The following CNTNAP2 variants were observed in gnomAD, a reference collection of about 807,000 sequenced individuals.
CNTNAP2 encodes contactin associated protein 2, also known as contactin-associated protein-like 2.
Under a neutral mutation model 155.2 loss-of-function variants are expected in CNTNAP2, and 98 were observed. The ratio of observed to expected loss-of-function variants is 0.63; its 90% CI spans 0.54 to 0.75. The LOEUF (loss-of-function observed/expected upper bound fraction) is 0.75. Among genes scored for constraint, CNTNAP2 ranks in the 30% least tolerant of loss-of-function variants. The pLI is 0.00. For missense variants in CNTNAP2, 1,727 were observed against 1,688.1 expected, an observed-to-expected ratio of 1.02 and a Z score of -0.40; for synonymous variants, 651 against 631.2, an observed-to-expected ratio of 1.03 and a Z score of -0.47.
At chr7:147,212,347 C>T (rs1428299281) in intron 8 of CNTNAP2, among the ~76,000 whole-genome samples, 1 of 152,110 alleles carries the variant, frequency 6.6e-6, no homozygotes, top group Non-Finnish European at 1.5e-5. Context: ...AACCTAGGTA[C>T]CCATCAATGG....
chr7:147,978,687 G>A (rs933044886), intron 15 of CNTNAP2, among the ~76,000 whole-genome samples: 1 of 152,102 alleles, frequency 6.6e-6, no homozygotes, highest in African/African-American at 2.4e-5. Context: ...ACAGTGACAT[G>A]GTTGCACTGT....
chr7:146,479,233 A>C (rs1563099872), intron 1 of CNTNAP2, among the ~76,000 whole-genome samples: 1 of 152,178 alleles, frequency 6.6e-6, no homozygotes, highest in African/African-American at 2.4e-5. Context: ...CCTTTGAACG[A>C]TGTCACATCA....
chr7:146,527,078 C>T (rs1418912766), intron 1 of CNTNAP2, among the ~76,000 whole-genome samples: 1 of 151,948 alleles, frequency 6.6e-6, no homozygotes, highest in Non-Finnish European at 1.5e-5. Flanking sequence ...TAAAAAATCC[C>T]TCTCACATTT....
chr7:148,251,470 T>G (rs1796361848), intron 20 of CNTNAP2, among the ~76,000 whole-genome samples: 1 of 151,172 alleles, frequency 6.6e-6, no homozygotes, highest in Non-Finnish European at 1.5e-5. Flanking sequence ...TGTCCAAAGT[T>G]TTTTTTAGAG....
At chr7:147,736,382 A>G (rs572687119) in intron 13 of CNTNAP2, among the ~76,000 whole-genome samples, 74 of 152,302 alleles carry the variant, frequency 4.9e-4, no homozygotes, top group African/African-American at 1.5e-3. Flanking sequence ...AGTTTCTGCC[A>G]AGAGATCAGC....
chr7:146,376,764 G>A (rs1167637520), intron 1 of CNTNAP2, among the ~76,000 whole-genome samples: 7 of 152,086 alleles, frequency 4.6e-5, no homozygotes, highest in African/African-American at 1.4e-4. Context: ...AGGGACTTTA[G>A]GGAGTGATTA....
chr7:146,531,268 G>C (rs1186297162), intron 1 of CNTNAP2, among the ~76,000 whole-genome samples: 2 of 151,994 alleles, frequency 1.3e-5, no homozygotes, highest in Non-Finnish European at 2.9e-5. Context: ...ACCTATTTAG[G>C]ACTATGCTTA....
chr7:148,415,339 G>A, intron 23 of CNTNAP2, 78 bp from the exon 24 acceptor site: 2 of 1,437,208 alleles, frequency 1.4e-6, no homozygotes, highest in South Asian at 1.2e-5. Context: ...GTCTGACGGA[G>A]CTGTAGTGAA....
chr7:146,150,555 TTTTA>T (rs1331431831), intron 1 of CNTNAP2, among the ~76,000 whole-genome samples: 1 of 152,008 alleles, frequency 6.6e-6, no homozygotes, highest in East Asian at 1.9e-4. Flanking sequence ...TTTGTAGATT[TTTTA>T]TTTCTTTTAT....
At chr7:148,063,161 A>G (rs1369134796) in intron 15 of CNTNAP2, among the ~76,000 whole-genome samples, 3 of 151,994 alleles carry the variant, frequency 2.0e-5, no homozygotes, top group African/African-American at 7.2e-5. Flanking sequence ...TCTTATTTTA[A>G]AGGTGTGGTC....
chr7:146,981,892 A>T (rs1221718411), intron 3 of CNTNAP2, among the ~76,000 whole-genome samples: 1 of 152,188 alleles, frequency 6.6e-6, no homozygotes, highest in African/African-American at 2.4e-5. Flanking sequence ...ATACTTTAGG[A>T]TTTGCAGAAC....
intron 1 of CNTNAP2, among the ~76,000 whole-genome samples, chr7:146,463,885 CAG>C (rs1412118373): frequency 6.6e-6 from 1 of 151,934 alleles, no homozygotes; most frequent in Non-Finnish European, 1.5e-5. Context: ...CCCATAAAAA[CAG>C]AGAAAGGTTG....
Position 148,076,422 on chromosome 7 carries a change from C to CTTTTTTTTTTTTTTT in CNTNAP2, c.2384-41679_2384-41665dup, listed in dbSNP as rs771048326. ...TGTAGACCTATGATAGCTCTGACTT[C>CTTTTTTTTTTTTTTT]TTTTTTTTTTTTTTTTTTTTTTTTT... On this transcript the variant is annotated intron_variant, in intron 15 of 23. Coordinates refer to ENST00000361727, the MANE Select transcript of CNTNAP2 (RefSeq NM_014141.6). Among the ~76,000 whole-genome samples, 10 of 49,800 alleles carry CTTTTTTTTTTTTTTT rather than the reference C, an allele frequency of 2.0e-4. 1 individual carries two copies. The highest frequency in any genetic ancestry group is 8.0e-4 in the East Asian group (1 of 1,250). 32.7% of individuals were successfully genotyped at this position (49,800 alleles called of 152,430 possible). A position where few individuals can be genotyped will look rare whatever the true frequency, so the allele number is the denominator to read the frequency against.
At chr7:146,525,588 CA>C (rs1797679686) in intron 1 of CNTNAP2, among the ~76,000 whole-genome samples, 1 of 141,580 alleles carries the variant, frequency 7.1e-6, no homozygotes, top group African/African-American at 3.0e-5. Context: ...CTCTATCTAT[CA>C]TCTATCTATC....
rs1244851803 is a variant in CNTNAP2, at chr7:148,148,070, G to A, written c.2773+361G>A. Among the ~76,000 whole-genome samples the A allele has an allele frequency of 1.1e-4, 16 of 151,122 alleles. 1 individual carries two copies. Among genetic ancestry groups the A allele is most frequent in the Admixed American group, 9.9e-4 (15 of 15,174 alleles). On this transcript the variant is annotated intron_variant, in intron 17 of 23. Coordinates refer to ENST00000361727, the MANE Select transcript of CNTNAP2 (RefSeq NM_014141.6). ...TTGTAACTGTGTGGAAGGAAAGGAA[G>A]GAAGGAAGGAAGGAAGGGAGAGAGG...
At chr7:146,484,155 T>C (rs915759430) in intron 1 of CNTNAP2, among the ~76,000 whole-genome samples, 10 of 152,228 alleles carry the variant, frequency 6.6e-5, no homozygotes, top group Admixed American at 4.6e-4. Flanking sequence ...CTGTACAAGT[T>C]TGTTACCTGG....
At chr7:146,684,808 AC>A (rs1800568079) in intron 1 of CNTNAP2, among the ~76,000 whole-genome samples, 1 of 152,062 alleles carries the variant, frequency 6.6e-6, no homozygotes, top group Admixed American at 6.6e-5. Context: ...GAATCAGGAA[AC>A]CCAACTCCAG....
intron 1 of CNTNAP2, among the ~76,000 whole-genome samples, chr7:146,699,013 G>A (rs1267109423): frequency 1.3e-5 from 2 of 151,570 alleles, no homozygotes; most frequent in Non-Finnish European, 2.9e-5. Flanking sequence ...CATTACCTAT[G>A]TATTCTTTCA....
At chr7:146,911,806 T>C (rs1033383520) in intron 3 of CNTNAP2, among the ~76,000 whole-genome samples, 10 of 152,018 alleles carry the variant, frequency 6.6e-5, no homozygotes, top group African/African-American at 2.4e-4. Context: ...TAAAGTATAA[T>C]AATAAAAAAA....
Sources: gnomAD v4.1 joint callset for allele counts (sites outside exome capture counted in the v4.1 genomes callset) on GRCh38, gnomAD v4.1.1 for gene constraint, MANE v1.5 for transcripts, NCBI Gene and HGNC (gene_info 2026-07-23, HGNC 2026-07-21) for gene names.